Variants in IL1RAPL2 observed in about 807,000 individuals in gnomAD.
IL1RAPL2 encodes interleukin 1 receptor accessory protein like 2, also known as X-linked interleukin-1 receptor accessory protein-like 2.
Under a neutral mutation model 44.1 loss-of-function variants are expected in IL1RAPL2, and 3 were observed. The ratio of observed to expected loss-of-function variants is 0.07; its 90% CI spans 0.03 to 0.18. The LOEUF is 0.18. IL1RAPL2 is among the 10% of genes least tolerant of loss of function. The pLI is 1.00. For missense variants in IL1RAPL2, 391 were observed against 496.4 expected, an observed-to-expected ratio of 0.79 and a Z score of 2.02; for synonymous variants, 181 against 178.8, an observed-to-expected ratio of 1.01 and a Z score of -0.10.
intron 1 of IL1RAPL2, among the ~76,000 whole-genome samples, chrX:104,597,821 G>A (rs985707117): frequency 2.7e-5 from 3 of 111,971 alleles, no homozygotes; most frequent in African/African-American, 9.7e-5. Flanking sequence ...AGGTTTTTTG[G>A]GGAAGGTTTT....
rs767396061 is a variant in IL1RAPL2, at chrX:104,627,064, G to A, written c.-19-31831G>A. On this transcript the variant is annotated intron_variant, in intron 1 of 10. Transcript: ENST00000372582. ...CATCTCCTGACCTCATGATCCGCCC[G>A]CCTCGGCCTTCTAAAGTGCTGGGAT... Among the ~76,000 whole-genome samples, 7 of 109,414 alleles carry A rather than the reference G, an allele frequency of 6.4e-5. No homozygotes were observed. In the East Asian group the frequency reaches 1.2e-3, roughly 18 times the overall value.
rs4590579 is a variant in IL1RAPL2 at position 105,077,515 on chromosome X, A to G, written c.83-117960A>G. On this transcript the variant is annotated intron_variant, in intron 2 of 10. Transcript: ENST00000372582. The stretch of plus-strand genomic sequence containing the variant: ...TTCAACTTTGGTGAATCTGACAATT[A>G]TGTGTCTTGGAGTTGCTCTTCTCGA... 5.4e-5 allele frequency among the ~76,000 whole-genome samples: 6 copies of G among 110,442 alleles called. No homozygotes were observed. The East Asian group carries it at 1.7e-3, about 32-fold the overall frequency.
chrX:105,584,351 T>C (rs1465790346), intron 6 of IL1RAPL2, among the ~76,000 whole-genome samples: 1 of 111,864 alleles, frequency 8.9e-6, no homozygotes, highest in Non-Finnish European at 1.9e-5. Context: ...CATCATGAAA[T>C]GCCCTCCTTT....
chrX:104,669,259 A>T (rs1176376291), intron 2 of IL1RAPL2, among the ~76,000 whole-genome samples: 1 of 111,619 alleles, frequency 9.0e-6, no homozygotes, highest in Non-Finnish European at 1.9e-5. Context: ...CCAGACTGAT[A>T]CACTGAAACA....
intron 2 of IL1RAPL2, among the ~76,000 whole-genome samples, chrX:105,067,244 G>A (rs200679491): frequency 3.6e-5 from 4 of 110,263 alleles, no homozygotes; most frequent in Middle Eastern, 4.6e-3. Flanking sequence ...ACACGTGTGC[G>A]CGCACATACA....
chrX:104,925,666 A>G (rs1455294651), intron 2 of IL1RAPL2, among the ~76,000 whole-genome samples: 1 of 111,883 alleles, frequency 8.9e-6, no homozygotes, highest in Non-Finnish European at 1.9e-5. Flanking sequence ...CATGTTAAAA[A>G]CTCTCAATAA....
At chrX:104,670,565 C>A (rs1384673250) in intron 2 of IL1RAPL2, among the ~76,000 whole-genome samples, 1 of 96,521 alleles carries the variant, frequency 1.0e-5, no homozygotes, top group Non-Finnish European at 2.0e-5. Context: ...TAATATTAAC[C>A]ATCACACCAC....
chrX:104,724,163 T>A (rs1175648515), intron 2 of IL1RAPL2, among the ~76,000 whole-genome samples: 2 of 111,444 alleles, frequency 1.8e-5, no homozygotes, highest in African/African-American at 6.5e-5. Flanking sequence ...AAAAGTATGA[T>A]TTGATTTGTG....
chrX:104,800,863 G>A (rs1177243474), intron 2 of IL1RAPL2, among the ~76,000 whole-genome samples: 1 of 112,208 alleles, frequency 8.9e-6, no homozygotes, highest in Non-Finnish European at 1.9e-5. Context: ...AGCATGATGT[G>A]GAGGGCTGGC....
At chrX:105,125,881 A>G (rs2032970123) in intron 2 of IL1RAPL2, among the ~76,000 whole-genome samples, 1 of 110,853 alleles carries the variant, frequency 9.0e-6, no homozygotes, top group South Asian at 3.8e-4. Context: ...CTTAAAATCA[A>G]TCCTCTCTGA....
At chrX:105,245,540 G>C (rs2034211561) in intron 4 of IL1RAPL2, among the ~76,000 whole-genome samples, 1 of 112,315 alleles carries the variant, frequency 8.9e-6, no homozygotes. Flanking sequence ...ACTTTTAGAA[G>C]GTTCTTCTGA....
intron 6 of IL1RAPL2, among the ~76,000 whole-genome samples, chrX:105,533,685 C>T (rs2036656901): frequency 1.8e-5 from 2 of 112,347 alleles, no homozygotes; most frequent in African/African-American, 3.2e-5. Flanking sequence ...ATGTTACATA[C>T]ATGGAGTCAC....
intron 4 of IL1RAPL2, among the ~76,000 whole-genome samples, chrX:105,253,058 G>A (rs1245586941): frequency 1.8e-5 from 2 of 111,483 alleles, no homozygotes; most frequent in Admixed American, 9.6e-5. Flanking sequence ...GATGCTCATA[G>A]TAGCCCACCT....
chrX:105,612,141 C>A (rs2037341331), intron 6 of IL1RAPL2, among the ~76,000 whole-genome samples: 1 of 111,361 alleles, frequency 9.0e-6, no homozygotes, highest in Non-Finnish European at 1.9e-5. Context: ...GGGTCTCGCT[C>A]TGTCACCCAG....
At chrX:104,983,064 C>T (rs1376912744) in intron 2 of IL1RAPL2, among the ~76,000 whole-genome samples, 1 of 110,748 alleles carries the variant, frequency 9.0e-6, no homozygotes, top group East Asian at 2.8e-4. Flanking sequence ...GAAACATGTC[C>T]ATAATCATCA....
chrX:104,736,779 T>A (rs1932020256), intron 2 of IL1RAPL2, among the ~76,000 whole-genome samples: 1 of 112,383 alleles, frequency 8.9e-6, no homozygotes, highest in Non-Finnish European at 1.9e-5. Flanking sequence ...GGTATAATAA[T>A]CATGCTTGTG....
At chrX:104,706,699 T>G (rs1483743588) in intron 2 of IL1RAPL2, among the ~76,000 whole-genome samples, 2 of 112,189 alleles carry the variant, frequency 1.8e-5, no homozygotes, top group African/African-American at 6.5e-5. Context: ...AGGCTTGCCT[T>G]TATTTTTCTG....
At chrX:105,070,729 ATG>A (rs746238792) in intron 2 of IL1RAPL2, among the ~76,000 whole-genome samples, 2,014 of 104,574 alleles carry the variant, frequency 0.019, 36 homozygotes, top group African/African-American at 0.052. Context: ...ATATATATTT[ATG>A]TGTGTGTGTG....
rs181259336 is a variant in IL1RAPL2 at position 105,423,211 on chromosome X, G to A, written c.698-61102G>A. Among the ~76,000 whole-genome samples, 639 of 111,234 alleles carry A rather than the reference G, an allele frequency of 5.7e-3. 5 individuals carry two copies. Among genetic ancestry groups the A allele is most frequent in the African/African-American group, 0.019 (595 of 30,644 alleles). ...GTGTTTTCTGTATAATTTTCATACC[G>A]AATAAACCAAATTGTCATTTTTGGA... On this transcript the variant is annotated intron_variant, in intron 5 of 10. Coordinates refer to ENST00000372582, the MANE Select transcript of IL1RAPL2 (RefSeq NM_017416.2).
Sources: allele counts gnomAD v4.1 joint callset (sites outside exome capture counted in the v4.1 genomes callset), GRCh38; gene constraint gnomAD v4.1.1; transcripts MANE v1.5; gene names NCBI Gene and HGNC (gene_info 2026-07-23, HGNC 2026-07-21).